CFAP46: variants seen among roughly 807,000 people sequenced by gnomAD.
CFAP46 encodes cilia and flagella associated protein 46.
In CFAP46, 245 loss-of-function variants were observed where a neutral mutation model predicts 325.7. The ratio of observed to expected loss-of-function variants is 0.75; its 90% CI spans 0.68 to 0.84. The LOEUF (loss-of-function observed/expected upper bound fraction) is 0.84, where lower values mean the gene tolerates loss of function less well. CFAP46 is among the 40% of genes least tolerant of loss of function. The probability of loss-of-function intolerance (pLI) is 0.00; values close to 1 mark genes in which losing one functional copy is unlikely to be tolerated. For synonymous variants in CFAP46, 1,523 were observed against 1,495.9 expected (o/e 1.02, Z -0.42); for missense variants, 3,346 against 3,543.0 (o/e 0.94, Z 1.41).
At chr10:132,891,773 C>T (rs1849257649) in intron 25 of CFAP46, among the ~76,000 whole-genome samples, 1 of 152,190 alleles carries the variant, frequency 6.6e-6, no homozygotes, top group Non-Finnish European at 1.5e-5. Flanking sequence ...CCCAGACATT[C>T]CTTTCTATTG....
chr10:132,840,040 G>A (rs1489049128), intron 44 of CFAP46, among the ~76,000 whole-genome samples: 1 of 151,106 alleles, frequency 6.6e-6, no homozygotes, highest in Non-Finnish European at 1.5e-5. Context: ...TGAGTTTTCA[G>A]AGGTTATTTA....
chr10:132,835,723 G>A (rs999386009), intron 46 of CFAP46, among the ~76,000 whole-genome samples: 1 of 152,072 alleles, frequency 6.6e-6, no homozygotes, highest in Non-Finnish European at 1.5e-5. Context: ...GTGGGTGGAG[G>A]GCTGGGAGAG....
rs142053406 is a variant in CFAP46 at position 132,834,903 on chromosome 10, C to G, written c.6745-128G>C. 2,171 of 1,330,672 alleles carry G rather than the reference C, an allele frequency of 1.6e-3. 4 individuals are homozygous for G. Among genetic ancestry groups the G allele is most frequent in the South Asian group, 2.3e-3 (147 of 65,250 alleles). The allele number at this position is 1,330,672 out of a possible 1,614,324, so 82.4% of individuals were successfully genotyped here. A position where few individuals can be genotyped will look rare whatever the true frequency, so the allele number is the denominator to read the frequency against. On this transcript the variant is annotated intron_variant, in intron 47 of 57. Transcript: ENST00000368586. ...GCAAACAGCATGGTGGACAAGGGCACCTGGCTCGGCAACGAGGGCCCCATA... is the reference window on the plus strand; with the variant it reads ...GCAAACAGCATGGTGGACAAGGGCAGCTGGCTCGGCAACGAGGGCCCCATA...
chr10:132,876,900 G>A lies in CFAP46; in HGVS notation c.4274C>T (p.Ala1425Val), dbSNP rs991811585. The stretch of plus-strand genomic sequence containing the variant: ...CACTTCCTCGGGGCAGGAGTAGGAA[G>A]CCCACTCTTCTATGCTCATGGGTAA... ...EDLPMSIEEW[A>V]SYSCPEEVLS... The change falls in exon 31 of 58, where the codon GCT (alanine) becomes GTT (valine). Residue 1425 changes from alanine (A) to valine (V), a missense_variant. Coordinates refer to ENST00000368586, the MANE Select transcript of CFAP46 (RefSeq NM_001200049.3). This position sits in a 1 kb window ranked among gnomAD's most constrained non-coding sequence, Gnocchi z 4.1. 3 of 1,550,570 alleles carry A rather than the reference G, an allele frequency of 1.9e-6. No individual in the cohort carries two copies. Among genetic ancestry groups the A allele is most frequent in the East Asian group, 2.4e-5 (1 of 40,922 alleles).
intron 33 of CFAP46, among the ~76,000 whole-genome samples, chr10:132,868,599 G>A (rs1052205254): frequency 3.3e-5 from 5 of 152,232 alleles, no homozygotes; most frequent in Non-Finnish European, 5.9e-5. Flanking sequence ...CTGTTTCAAT[G>A]TAACGGCGAA....
At chr10:132,856,908 G>A (rs544511700) in intron 39 of CFAP46, among the ~76,000 whole-genome samples, 5 of 152,252 alleles carry the variant, frequency 3.3e-5, no homozygotes, top group East Asian at 3.9e-4. Flanking sequence ...GCTCTGTTCC[G>A]GGACAGTTAT....
chr10:132,925,147 G>C (rs1021350467), intron 10 of CFAP46, among the ~76,000 whole-genome samples: 1 of 151,994 alleles, frequency 6.6e-6, no homozygotes, highest in African/African-American at 2.4e-5. Context: ...TGGACTCAGC[G>C]GGCGCTGCTC....
Position 132,889,154 on chromosome 10 carries a change from G to A in CFAP46, c.3304+3179C>T, listed in dbSNP as rs1181129727. On this transcript the variant is annotated intron_variant, in intron 25 of 57. Transcript: ENST00000368586. The surrounding 1 kb of genome is among the most constrained non-coding windows in gnomAD (Gnocchi z 6.0). ...TCTGCAGGCCACAGTGCTGAGGGCT[G>A]GAGTCCGTGTCATCCTGCACCAGCC... is the stretch of plus-strand genomic sequence containing the variant. 2.0e-5 allele frequency among the ~76,000 whole-genome samples: 3 copies of A among 152,216 alleles called. No individual in the cohort carries two copies. Among genetic ancestry groups the A allele is most frequent in the Admixed American group, 6.5e-5 (1 of 15,282 alleles).
intron 1 of CFAP46, among the ~76,000 whole-genome samples, 153 bp from the exon 2 acceptor site, chr10:132,942,257 C>T (rs1253531788): frequency 6.6e-6 from 1 of 152,186 alleles, no homozygotes; most frequent in Non-Finnish European, 1.5e-5. Context: ...GCGGTGTGGG[C>T]GCCTTCCTGT....
At chr10:132,875,937 G>A (rs1448366253) in intron 31 of CFAP46, among the ~76,000 whole-genome samples, 1 of 152,228 alleles carries the variant, frequency 6.6e-6, no homozygotes, top group East Asian at 1.9e-4. Context: ...GGAAAGGCAA[G>A]GCACAAAGTG....
chr10:132,885,628 G>A (rs954630270), intron 26 of CFAP46, among the ~76,000 whole-genome samples, 193 bp downstream of exon 26: 5 of 150,580 alleles, frequency 3.3e-5, no homozygotes, highest in Non-Finnish European at 5.9e-5. Flanking sequence ...GGTGCTCACA[G>A]GTGATGGGGG....
chr10:132,912,570 T>A, intron 19 of CFAP46, 85 bp downstream of exon 19: 2 of 1,239,518 alleles, frequency 1.6e-6, no homozygotes, highest in Non-Finnish European at 2.1e-6. Flanking sequence ...TCTCTCCTCT[T>A]TCACCTCTCC....
chr10:132,841,898 G>A (rs12261133), intron 44 of CFAP46, among the ~76,000 whole-genome samples: 12,432 of 152,272 alleles, frequency 0.082, 515 homozygotes, highest in Non-Finnish European at 0.091. Flanking sequence ...TGGCCTCCAG[G>A]CTTGCAATGG....
intron 24 of CFAP46, among the ~76,000 whole-genome samples, chr10:132,892,624 CTT>C (rs1429829574): frequency 1.3e-5 from 2 of 152,206 alleles, no homozygotes; most frequent in Non-Finnish European, 2.9e-5. Context: ...CAATTAATAA[CTT>C]AAGTTATTTT....
intron 22 of CFAP46, among the ~76,000 whole-genome samples, chr10:132,902,708 T>C (rs2135494432): frequency 6.6e-6 from 1 of 152,344 alleles, no homozygotes; most frequent in Non-Finnish European, 1.5e-5. Context: ...ATTTCTTACT[T>C]TATGCTGGAC....
intron 39 of CFAP46, among the ~76,000 whole-genome samples, chr10:132,852,100 G>A (rs1335210692): frequency 3.5e-5 from 5 of 144,256 alleles, no homozygotes; most frequent in African/African-American, 7.7e-5. Context: ...ATCCACAGAC[G>A]TGGTATGTTC....
At chr10:132,836,662 C>T (rs939231589) in intron 45 of CFAP46, among the ~76,000 whole-genome samples, 155 bp downstream of exon 45, 5 of 152,166 alleles carry the variant, frequency 3.3e-5, no homozygotes, top group African/African-American at 1.2e-4. Flanking sequence ...TACCCGGTGT[C>T]TGTCCGGCAC....
chr10:132,837,058 T>TG lies in CFAP46; in HGVS notation c.6439-145dup, dbSNP rs575551952. On this transcript the variant is annotated intron_variant, in intron 44 of 57. Coordinates refer to ENST00000368586, the MANE Select transcript of CFAP46 (RefSeq NM_001200049.3). ...CCTGCCCGAGGCTGGGCCCTTGGGG[T>TG]GGGGGGCCCTGCTGGAAGTGACTCG... is the stretch of plus-strand genomic sequence containing the variant. The TG allele has an allele frequency of 9.3e-3, 5,792 of 624,456 alleles. 68 individuals carry two copies. Among genetic ancestry groups the TG allele is most frequent in the South Asian group, 0.029 (1,484 of 51,074 alleles). 38.7% of individuals were successfully genotyped at this position (624,456 alleles called of 1,614,324 possible).
At chr10:132,851,334 A>G (rs1301714461) in intron 39 of CFAP46, 29 bp from the exon 40 acceptor site, 3 of 1,599,982 alleles carry the variant, frequency 1.9e-6, no homozygotes, top group Non-Finnish European at 2.6e-6. Flanking sequence ...CCTCTGAAGC[A>G]TGGAAGCTTC....
Sources: gnomAD v4.1 joint callset for allele counts (sites outside exome capture counted in the v4.1 genomes callset) on GRCh38, gnomAD v4.1.1 for gene constraint, Gnocchi (gnomAD v3.1) non-coding constraint, MANE v1.5 for transcripts, NCBI Gene and HGNC (gene_info 2026-07-23, HGNC 2026-07-21) for gene names.